Variants in VPS53 observed in about 807,000 individuals in gnomAD.
The protein encoded by VPS53 is vacuolar protein sorting-associated protein 53 homolog.
VPS53 carries 70 observed loss-of-function variants against 107.0 expected under a neutral mutation model. The ratio of observed to expected loss-of-function variants is 0.65; its 90% CI spans 0.54 to 0.80. The LOEUF (loss-of-function observed/expected upper bound fraction) is 0.80, where lower values mean the gene tolerates loss of function less well. Among genes scored for constraint, VPS53 ranks in the 30% least tolerant of loss-of-function variants. VPS53 has a pLI of 0.00. For missense variants in VPS53, 917 were observed against 1,049.4 expected (o/e 0.87, Z 1.74); for synonymous variants, 409 against 393.3 (o/e 1.04, Z -0.47).
intron 19 of VPS53, among the ~76,000 whole-genome samples, chr17:526,643 G>A (rs1175093402): frequency 6.6e-6 from 1 of 152,224 alleles, no homozygotes; most frequent in South Asian, 2.1e-4. Flanking sequence ...TGGGCAAGGG[G>A]TGGCTATTGC....
intron 7 of VPS53, among the ~76,000 whole-genome samples, chr17:638,311 T>C (rs1050739625): frequency 6.6e-6 from 1 of 152,210 alleles, no homozygotes; most frequent in Middle Eastern, 3.2e-3. Context: ...ATGTGTGTCT[T>C]TGCACATGAG....
At chr17:640,950 G>A (rs1970402879) in intron 7 of VPS53, among the ~76,000 whole-genome samples, 1 of 152,164 alleles carries the variant, frequency 6.6e-6, no homozygotes, top group African/African-American at 2.4e-5. Context: ...CGCCTCCTGG[G>A]TTGAAGGGAT....
Position 514,134 on chromosome 17 carries a change from T to C in VPS53, c.*4994A>G, listed in dbSNP as rs1254090487. On this transcript the variant is annotated 3_prime_UTR_variant, in exon 22 of 22. Coordinates refer to ENST00000437048, the MANE Select transcript of VPS53 (RefSeq NM_001128159.3). ...CCGAGTGCTCTTCCTAGCGAAGGAATCCCATTTCCAGCAGGTTATTCCGAG... is the reference window on the plus strand; with the variant it reads ...CCGAGTGCTCTTCCTAGCGAAGGAACCCCATTTCCAGCAGGTTATTCCGAG... 1 of 57,798 alleles carries C rather than the reference T, an allele frequency of 1.7e-5. No individual in the cohort carries two copies. Among genetic ancestry groups the C allele is most frequent in the Non-Finnish European group, 2.7e-5 (1 of 37,502 alleles). 3.6% of individuals were successfully genotyped at this position (57,798 alleles called of 1,614,324 possible).
chr17:608,772 C>T (rs867433067), intron 11 of VPS53, among the ~76,000 whole-genome samples: 3 of 152,080 alleles, frequency 2.0e-5, no homozygotes, highest in East Asian at 1.9e-4. Flanking sequence ...CACACTACCA[C>T]GCCCTGCTCA....
intron 13 of VPS53, among the ~76,000 whole-genome samples, chr17:576,393 T>A (rs928251436): frequency 2.0e-5 from 3 of 149,892 alleles, no homozygotes; most frequent in Non-Finnish European, 4.4e-5. Context: ...CCTCAGAACC[T>A]AATGCATTGC....
intron 17 of VPS53, among the ~76,000 whole-genome samples, chr17:550,914 C>T (rs967279633): frequency 6.6e-6 from 1 of 152,046 alleles, no homozygotes; most frequent in African/African-American, 2.4e-5. Flanking sequence ...CTTACATTGG[C>T]ACCAGAGCTC....
chr17:514,490 C>T lies in VPS53; in HGVS notation c.*4638G>A. On this transcript the variant is annotated 3_prime_UTR_variant, in exon 22 of 22. Transcript: ENST00000437048. Reference sequence around the variant, plus strand: ...CAGCAGGTTATTCTGAGTGCTCTTCCTAGCCAAGGAATCCCATTTCCAGCA... The same window carrying T: ...CAGCAGGTTATTCTGAGTGCTCTTCTTAGCCAAGGAATCCCATTTCCAGCA... 1 of 147,336 alleles carries T rather than the reference C, an allele frequency of 6.8e-6. No homozygotes were observed. Among genetic ancestry groups the T allele is most frequent in the South Asian group, 2.2e-4 (1 of 4,540 alleles). The allele number at this position is 147,336 out of a possible 1,614,324, so 9.1% of individuals were successfully genotyped here.
At chr17:653,463 TA>T in intron 6 of VPS53, 53 bp from the exon 7 acceptor site, 2 of 1,611,844 alleles carry the variant, frequency 1.2e-6, no homozygotes, top group Non-Finnish European at 1.7e-6. Context: ...AGACGCAAGA[TA>T]CAGACACAGA....
chr17:546,204 T>A (rs1432974037), intron 17 of VPS53, among the ~76,000 whole-genome samples: 1 of 152,164 alleles, frequency 6.6e-6, no homozygotes, highest in Admixed American at 6.5e-5. Context: ...AAAAATTAAC[T>A]CGAAATGGAT....
intron 7 of VPS53, among the ~76,000 whole-genome samples, chr17:636,086 G>C (rs529642553): frequency 6.6e-6 from 1 of 152,306 alleles, no homozygotes; most frequent in Admixed American, 6.5e-5. Context: ...GCAGTGGTTT[G>C]TAGTTCTCCT....
At chr17:657,689 A>G in intron 5 of VPS53, 1 of 549,486 alleles carries the variant, frequency 1.8e-6, no homozygotes, top group East Asian at 3.0e-5. Flanking sequence ...TACTGTAGTC[A>G]CTGGATAGAT....
At chr17:653,477 A>G in intron 6 of VPS53, 67 bp from the exon 7 acceptor site, 1 of 1,604,638 alleles carries the variant, frequency 6.2e-7, no homozygotes, top group Admixed American at 1.7e-5. Context: ...GACACAGAAC[A>G]ACCCACGCTA....
At chr17:618,249 GCACCACCA>G (rs1567679479) in intron 11 of VPS53, among the ~76,000 whole-genome samples, 1 of 75,902 alleles carries the variant, frequency 1.3e-5, no homozygotes, top group African/African-American at 4.3e-5. Flanking sequence ...CTACAGGCGT[GCACCACCA>G]CGCCTGCTAA....
At chr17:709,148 C>A (rs77847018) in intron 2 of VPS53, among the ~76,000 whole-genome samples, 2 of 151,826 alleles carry the variant, frequency 1.3e-5, no homozygotes, top group Non-Finnish European at 2.9e-5. Flanking sequence ...CTCCGCAGCA[C>A]GCTCTGTCAC....
intron 13 of VPS53, among the ~76,000 whole-genome samples, chr17:569,481 A>G (rs2151862063): frequency 6.6e-6 from 1 of 152,312 alleles, no homozygotes. Context: ...GTAAAAATAA[A>G]AGAGATAGTG....
intron 7 of VPS53, 38 bp from the exon 8 acceptor site, chr17:631,666 T>C (rs768828866): frequency 7.6e-6 from 12 of 1,586,108 alleles, no homozygotes; most frequent in South Asian, 1.1e-5. Flanking sequence ...CCTGGCATCA[T>C]ATCCTTATGT....
At position 519,323 on chromosome 17, in the gene VPS53, C is replaced by T. The variant is rs1034916993; in HGVS notation, c.2329-25G>A. ...CCTGAGGTTGAGAGAGAAACAGAACCGTCACGAAGTCTGGGCCAGAATGGC... is the reference window on the plus strand; with the variant it reads ...CCTGAGGTTGAGAGAGAAACAGAACTGTCACGAAGTCTGGGCCAGAATGGC... On this transcript the variant is annotated intron_variant, in intron 21 of 21. Transcript: ENST00000437048. The surrounding 1 kb of genome is among the most constrained non-coding windows in gnomAD (Gnocchi z 5.0). 2.3e-5 allele frequency: 34 copies of T among 1,454,322 alleles called. No homozygotes were observed. The highest frequency in any genetic ancestry group is 2.9e-5 in the Non-Finnish European group (32 of 1,101,696). 90.1% of individuals were successfully genotyped at this position (1,454,322 alleles called of 1,614,324 possible). A position where few individuals can be genotyped will look rare whatever the true frequency, so the allele number is the denominator to read the frequency against.
At chr17:635,366 A>G (rs1332187275) in intron 7 of VPS53, among the ~76,000 whole-genome samples, 1 of 152,158 alleles carries the variant, frequency 6.6e-6, no homozygotes, top group Non-Finnish European at 1.5e-5. Flanking sequence ...CTTTGATCAT[A>G]GTTTCTTTTG....
intron 14 of VPS53, among the ~76,000 whole-genome samples, chr17:561,711 C>T (rs999611993): frequency 6.6e-6 from 1 of 152,186 alleles, no homozygotes; most frequent in African/African-American, 2.4e-5. Flanking sequence ...CTCAGCGCAA[C>T]CTCCGCCTCC....
Sources: gnomAD v4.1 joint callset for allele counts (sites outside exome capture counted in the v4.1 genomes callset) on GRCh38, gnomAD v4.1.1 for gene constraint, Gnocchi (gnomAD v3.1) non-coding constraint, MANE v1.5 for transcripts, NCBI Gene and HGNC (gene_info 2026-07-23, HGNC 2026-07-21) for gene names.